Variants in PRKCE observed in about 807,000 individuals in gnomAD.
PRKCE encodes protein kinase C epsilon type.
Under a neutral mutation model 85.4 loss-of-function variants are expected in PRKCE, and 16 were observed. The observed-to-expected ratio is 0.19, with a 90% CI of 0.13 to 0.28. The LOEUF (loss-of-function observed/expected upper bound fraction) is 0.28. PRKCE is among the 10% of genes least tolerant of loss of function. The pLI is 1.00. For synonymous variants in PRKCE, 388 were observed against 371.5 expected (o/e 1.04, Z -0.51); for missense variants, 573 against 975.2 (o/e 0.59, Z 5.49).
chr2:45,781,055 G>A (rs534159277), intron 1 of PRKCE, among the ~76,000 whole-genome samples: 5 of 152,246 alleles, frequency 3.3e-5, no homozygotes, highest in South Asian at 2.1e-4. Flanking sequence ...TGACTAGGCC[G>A]GGCATAGTGG....
chr2:45,991,035 C>T (rs566083406), intron 6 of PRKCE, among the ~76,000 whole-genome samples: 2 of 149,698 alleles, frequency 1.3e-5, no homozygotes, highest in African/African-American at 2.5e-5. Context: ...TTGACAGAGT[C>T]TCACTTTGTC....
intron 10 of PRKCE, among the ~76,000 whole-genome samples, chr2:46,085,597 GGCCTCCTCC>G (rs1669529706): frequency 8.7e-6 from 1 of 115,470 alleles, no homozygotes; most frequent in African/African-American, 3.4e-5. Flanking sequence ...GTGGCCACTT[GGCCTCCTCC>G]TCCCTGACTC....
At chr2:45,671,447 A>G (rs1160594434) in intron 1 of PRKCE, among the ~76,000 whole-genome samples, 1 of 152,204 alleles carries the variant, frequency 6.6e-6, no homozygotes, top group Non-Finnish European at 1.5e-5. Context: ...AGGTATTGAT[A>G]TCAGTACCAT....
intron 12 of PRKCE, among the ~76,000 whole-genome samples, chr2:46,147,796 A>T (rs1676228570): frequency 6.6e-6 from 1 of 152,268 alleles, no homozygotes; most frequent in South Asian, 2.1e-4. Flanking sequence ...GTGATGGGAT[A>T]GGAAACGCAA....
At chr2:46,105,093 A>G (rs962925750) in intron 11 of PRKCE, among the ~76,000 whole-genome samples, 1 of 151,836 alleles carries the variant, frequency 6.6e-6, no homozygotes, top group Non-Finnish European at 1.5e-5. Context: ...GTTCTTCTCA[A>G]TGATTTTCTT....
At chr2:45,764,334 A>G (rs1210814685) in intron 1 of PRKCE, among the ~76,000 whole-genome samples, 4 of 152,262 alleles carry the variant, frequency 2.6e-5, no homozygotes, top group Admixed American at 6.5e-5. Flanking sequence ...ACGTGGTTTA[A>G]GAGCTTATAA....
intron 2 of PRKCE, among the ~76,000 whole-genome samples, chr2:45,952,355 A>G (rs1490926029): frequency 1.3e-5 from 2 of 152,234 alleles, no homozygotes; most frequent in Non-Finnish European, 2.9e-5. Flanking sequence ...AGTCATCACT[A>G]TGCTGGGCTG....
intron 13 of PRKCE, among the ~76,000 whole-genome samples, chr2:46,154,105 T>C (rs1676949960): frequency 1.3e-5 from 2 of 152,244 alleles, no homozygotes; most frequent in South Asian, 4.1e-4. Flanking sequence ...GGGCTTCTTA[T>C]GCCACGAGAG....
chr2:46,150,930 T>C, intron 12 of PRKCE, 111 bp from the exon 13 acceptor site: 1 of 986,754 alleles, frequency 1.0e-6, no homozygotes, highest in African/African-American at 1.6e-5. Flanking sequence ...AGGACTCAAC[T>C]GTAGGGAGGA....
At chr2:45,969,062 T>A (rs181258550) in intron 2 of PRKCE, among the ~76,000 whole-genome samples, 1 of 87,462 alleles carries the variant, frequency 1.1e-5, no homozygotes, top group East Asian at 2.3e-4. Context: ...TTCATTGATA[T>A]AAAACCTTCT....
rs1237936031 is a variant in PRKCE at position 45,859,089 on chromosome 2, T to TAAAA, written c.412+16027_412+16030dup. ...ATAAATAAATAAATAAATAAATAAA[T>TAAAA]AAAATAGTATCATCCTATGTTTCAT... On this transcript the variant is annotated intron_variant, in intron 2 of 14. Coordinates refer to ENST00000306156, the MANE Select transcript of PRKCE (RefSeq NM_005400.3). 4.5e-4 allele frequency among the ~76,000 whole-genome samples: 57 copies of TAAAA among 127,602 alleles called. 1 individual carries two copies. Among genetic ancestry groups the TAAAA allele is most frequent in the Non-Finnish European group, 8.2e-4 (49 of 59,410 alleles). 83.7% of individuals were successfully genotyped at this position (127,602 alleles called of 152,430 possible). A position where few individuals can be genotyped will look rare whatever the true frequency, so the allele number is the denominator to read the frequency against.
At chr2:45,708,971 G>T (rs752349929) in intron 1 of PRKCE, among the ~76,000 whole-genome samples, 83 of 152,312 alleles carry the variant, frequency 5.4e-4, no homozygotes, top group Non-Finnish European at 9.7e-4. Context: ...ACCTTGAATG[G>T]CAGTGAGCCA....
chr2:45,812,690 G>T (rs1386321030), intron 1 of PRKCE, among the ~76,000 whole-genome samples: 1 of 152,208 alleles, frequency 6.6e-6, no homozygotes. Flanking sequence ...GGTAACAGTG[G>T]TATCTACTTT....
chr2:45,670,546 CTG>C (rs1288864293), intron 1 of PRKCE, among the ~76,000 whole-genome samples: 1 of 152,108 alleles, frequency 6.6e-6, no homozygotes, highest in African/African-American at 2.4e-5. Context: ...TTAATTCTTA[CTG>C]TGAGTCCCAG....
intron 2 of PRKCE, among the ~76,000 whole-genome samples, chr2:45,861,843 A>G (rs1345001559): frequency 6.6e-6 from 1 of 152,192 alleles, no homozygotes; most frequent in Non-Finnish European, 1.5e-5. Flanking sequence ...GTAATTAACA[A>G]CCATTATAAA....
chr2:45,687,908 T>C (rs560089756), intron 1 of PRKCE, among the ~76,000 whole-genome samples: 9 of 152,240 alleles, frequency 5.9e-5, no homozygotes, highest in African/African-American at 1.2e-4. Context: ...TGGAAGCACG[T>C]TGGAGACCAG....
rs1324675110 is a variant in PRKCE at position 46,068,164 on chromosome 2, A to G, written c.1438-18044A>G. ...TCTTAACAGAGGGTCATGAATTAGT[A>G]TAAACCTTAGCTGGTCTGTATCCAG... is the stretch of plus-strand genomic sequence containing the variant. On this transcript the variant is annotated intron_variant, in intron 10 of 14. Coordinates refer to ENST00000306156, the MANE Select transcript of PRKCE (RefSeq NM_005400.3). This position sits in a 1 kb window ranked among gnomAD's most constrained non-coding sequence, Gnocchi z 4.3. Among the ~76,000 whole-genome samples, 1 of 152,210 alleles carries G rather than the reference A, an allele frequency of 6.6e-6. No homozygotes were observed. Among genetic ancestry groups the G allele is most frequent in the Non-Finnish European group, 1.5e-5 (1 of 68,034 alleles).
chr2:46,173,983 C>T (rs1679171042), intron 14 of PRKCE, among the ~76,000 whole-genome samples: 1 of 152,228 alleles, frequency 6.6e-6, no homozygotes, highest in South Asian at 2.1e-4. Flanking sequence ...AGTTGAATTC[C>T]GTCAAACAGC....
chr2:46,036,010 T>C (rs912015491), intron 10 of PRKCE, among the ~76,000 whole-genome samples: 3 of 152,238 alleles, frequency 2.0e-5, no homozygotes, highest in African/African-American at 7.2e-5. Flanking sequence ...AGGTGTTTGT[T>C]TGTTGTAATC....
Sources: allele counts gnomAD v4.1 joint callset (sites outside exome capture counted in the v4.1 genomes callset), GRCh38; gene constraint gnomAD v4.1.1; non-coding constraint Gnocchi (gnomAD v3.1); transcripts MANE v1.5; gene names NCBI Gene and HGNC (gene_info 2026-07-23, HGNC 2026-07-21).